Variants in TNIK observed in about 807,000 individuals in gnomAD.
TNIK encodes the protein TRAF2 and NCK interacting kinase, also known as TRAF2 and NCK-interacting protein kinase.
In TNIK, 49 loss-of-function variants were observed where a neutral mutation model predicts 191.3. That is an observed-to-expected ratio of 0.26 (90% CI 0.20 to 0.32). TNIK has a LOEUF of 0.32. Among genes scored for constraint, TNIK ranks in the 10% least tolerant of loss-of-function variants. The probability of loss-of-function intolerance (pLI) is 1.00; values close to 1 mark genes in which losing one functional copy is unlikely to be tolerated. For missense variants in TNIK, 1,155 were observed against 1,702.3 expected, an observed-to-expected ratio of 0.68 and a Z score of 5.66; for synonymous variants, 594 against 600.9, an observed-to-expected ratio of 0.99 and a Z score of 0.17.
intron 1 of TNIK, among the ~76,000 whole-genome samples, chr3:171,411,722 C>G (rs1418147827): frequency 1.3e-5 from 2 of 152,178 alleles, no homozygotes; most frequent in Non-Finnish European, 2.9e-5. Flanking sequence ...ATCAATACTA[C>G]TAGTACCAAA....
Position 171,259,924 on chromosome 3 carries a change from AT to A in TNIK, c.124-31704del, listed in dbSNP as rs557974298. 2.6e-5 allele frequency among the ~76,000 whole-genome samples: 4 copies of A among 152,282 alleles called. No individual in the cohort carries two copies. In the East Asian group the frequency reaches 7.7e-4, roughly 29 times the overall value. The stretch of plus-strand genomic sequence containing the variant: ...TGGCTGTTGCGTGCCATATAAGAGG[AT>A]GTGACAATCCTTTGCTTGTCCAACC... On this transcript the variant is annotated intron_variant, in intron 2 of 32. Coordinates refer to ENST00000436636, the MANE Select transcript of TNIK (RefSeq NM_015028.4).
At chr3:171,368,642 C>A (rs1447316238) in intron 2 of TNIK, among the ~76,000 whole-genome samples, 1 of 151,996 alleles carries the variant, frequency 6.6e-6, no homozygotes, top group South Asian at 2.1e-4. Flanking sequence ...TCGAGAATAC[C>A]CTATAAATAA....
intron 2 of TNIK, among the ~76,000 whole-genome samples, chr3:171,312,973 C>A (rs1421931364): frequency 1.3e-5 from 2 of 152,060 alleles, no homozygotes; most frequent in African/African-American, 2.4e-5. Context: ...TCTGTGTGTG[C>A]TTAACTTCTC....
Position 171,188,696 on chromosome 3 carries a change from C to T in TNIK, c.639+6G>A, listed in dbSNP as rs1197713424. ...ATAGTTTTGAAACACGACAAAGAAG[C>T]CATACCTTGAAATCATATGTGGCAT... is the stretch of plus-strand genomic sequence containing the variant. On this transcript the variant is annotated splice_donor_region_variant and intron_variant, in intron 7 of 32. Coordinates refer to ENST00000436636, the MANE Select transcript of TNIK (RefSeq NM_015028.4). The T allele has an allele frequency of 6.2e-7, 1 of 1,613,002 alleles. No individual in the cohort carries two copies. Among genetic ancestry groups the T allele is most frequent in the Non-Finnish European group, 8.5e-7 (1 of 1,179,168 alleles).
intron 2 of TNIK, among the ~76,000 whole-genome samples, chr3:171,344,047 C>T (rs1370881973): frequency 6.6e-6 from 1 of 152,182 alleles, no homozygotes; most frequent in Non-Finnish European, 1.5e-5. Context: ...AATTCTGTCT[C>T]TTCCTAGAAA....
intron 2 of TNIK, among the ~76,000 whole-genome samples, chr3:171,345,232 T>A (rs1711972972): frequency 6.6e-6 from 1 of 152,198 alleles, no homozygotes; most frequent in Non-Finnish European, 1.5e-5. Context: ...CAGGAGCTAT[T>A]TCCTTTTTTG....
chr3:171,269,047 A>G (rs1748759015), intron 2 of TNIK, among the ~76,000 whole-genome samples: 2 of 152,222 alleles, frequency 1.3e-5, no homozygotes, highest in South Asian at 2.1e-4. Context: ...AAGTTTTCCT[A>G]TTGACATCTC....
intron 18 of TNIK, among the ~76,000 whole-genome samples, chr3:171,120,230 A>C (rs1286556291): frequency 6.6e-6 from 1 of 152,176 alleles, no homozygotes; most frequent in Non-Finnish European, 1.5e-5. Context: ...TCTTGCACTT[A>C]GTAACTGGAG....
chr3:171,289,145 G>A (rs1367067847), intron 2 of TNIK, among the ~76,000 whole-genome samples: 1 of 152,152 alleles, frequency 6.6e-6, no homozygotes, highest in Non-Finnish European at 1.5e-5. Flanking sequence ...TAGATGAAGT[G>A]GGGGTAAGAA....
intron 7 of TNIK, among the ~76,000 whole-genome samples, chr3:171,188,310 A>G (rs946439083): frequency 1.3e-5 from 2 of 152,210 alleles, no homozygotes; most frequent in Admixed American, 1.3e-4. Context: ...ATTCTCAATC[A>G]GAAAAAGATG....
intron 4 of TNIK, among the ~76,000 whole-genome samples, chr3:171,197,890 T>C (rs1318342875): frequency 1.3e-5 from 2 of 152,178 alleles, no homozygotes; most frequent in Admixed American, 1.3e-4. Context: ...AATTGACACA[T>C]GACTCAGCAA....
chr3:171,141,221 C>A (rs907935281), intron 12 of TNIK, among the ~76,000 whole-genome samples: 1 of 152,180 alleles, frequency 6.6e-6, no homozygotes, highest in African/African-American at 2.4e-5. Flanking sequence ...AGCTTACATG[C>A]TTTATTTCAT....
chr3:171,230,660 T>C (rs766458938), intron 2 of TNIK, among the ~76,000 whole-genome samples: 3 of 152,200 alleles, frequency 2.0e-5, no homozygotes, highest in Non-Finnish European at 4.4e-5. Flanking sequence ...CTTTGCCTTC[T>C]TGACTCCTCA....
At chr3:171,271,665 T>C (rs1749118587) in intron 2 of TNIK, among the ~76,000 whole-genome samples, 1 of 152,246 alleles carries the variant, frequency 6.6e-6, no homozygotes, top group Non-Finnish European at 1.5e-5. Flanking sequence ...TTTTGACTTT[T>C]GTTATTTATA....
chr3:171,363,119 C>G (rs1303789595), intron 2 of TNIK, among the ~76,000 whole-genome samples: 1 of 152,186 alleles, frequency 6.6e-6, no homozygotes. Context: ...GGTGCTGCTG[C>G]TTTGTAGTTG....
At position 171,341,413 on chromosome 3, in the gene TNIK, A is replaced by G. The variant is rs1233692041; in HGVS notation, c.123+28207T>C. On this transcript the variant is annotated intron_variant, in intron 2 of 32. Coordinates refer to ENST00000436636, the MANE Select transcript of TNIK (RefSeq NM_015028.4). Reference sequence around the variant, plus strand: ...CTTGAACCCAGGAGGCAGAGGTTGTAGTGAGCCAAGATTGCACCACTGCAC... The same window carrying G: ...CTTGAACCCAGGAGGCAGAGGTTGTGGTGAGCCAAGATTGCACCACTGCAC... Among the ~76,000 whole-genome samples, 8 of 134,018 alleles carry G rather than the reference A, an allele frequency of 6.0e-5. No homozygotes were observed. The Admixed American group carries it at 6.7e-4, about 11-fold the overall frequency. The allele number at this position is 134,018 out of a possible 152,430, so 87.9% of individuals were successfully genotyped here.
chr3:171,401,119 C>CA (rs1281210547), intron 1 of TNIK, among the ~76,000 whole-genome samples: 5 of 151,770 alleles, frequency 3.3e-5, no homozygotes, highest in Admixed American at 1.3e-4. Context: ...CTGAAGAAAA[C>CA]AAAAAAAGAA....
At chr3:171,308,817 C>T (rs1366982949) in intron 2 of TNIK, among the ~76,000 whole-genome samples, 1 of 152,108 alleles carries the variant, frequency 6.6e-6, no homozygotes, top group Admixed American at 6.6e-5. Flanking sequence ...CATCACTAAT[C>T]ATTAGAGAAA....
chr3:171,327,329 T>A lies in TNIK; in HGVS notation c.123+42291A>T, dbSNP rs891097184. Among the ~76,000 whole-genome samples, 10 of 152,306 alleles carry A rather than the reference T, an allele frequency of 6.6e-5. No homozygotes were observed. The Middle Eastern group carries it at 0.01, about 155-fold the overall frequency. On this transcript the variant is annotated intron_variant, in intron 2 of 32. Coordinates refer to ENST00000436636, the MANE Select transcript of TNIK (RefSeq NM_015028.4). Reference sequence around the variant, plus strand: ...CTATGGGTTACAATTGTAGAGCCAATGCCATGTGGGTGTTCACCAACTATT... The same window carrying A: ...CTATGGGTTACAATTGTAGAGCCAAAGCCATGTGGGTGTTCACCAACTATT...
Sources: allele counts gnomAD v4.1 joint callset (sites outside exome capture counted in the v4.1 genomes callset), GRCh38; gene constraint gnomAD v4.1.1; transcripts MANE v1.5; gene names NCBI Gene and HGNC (gene_info 2026-07-23, HGNC 2026-07-21).